The following SLC44A3 variants were observed in gnomAD, a reference collection of about 807,000 sequenced individuals.
The protein encoded by SLC44A3 is choline transporter-like protein 3.
SLC44A3 carries 74 observed loss-of-function variants against 75.4 expected under a neutral mutation model. The ratio of observed to expected loss-of-function variants is 0.98; its 90% CI spans 0.81 to 1.19. The LOEUF (loss-of-function observed/expected upper bound fraction) is 1.19, where lower values mean the gene tolerates loss of function less well. SLC44A3 is among the 50% of genes most tolerant of loss of function. The pLI is 0.00. For missense variants in SLC44A3, 700 were observed against 778.6 expected (o/e 0.90, Z 1.20); for synonymous variants, 310 against 296.9 (o/e 1.04, Z -0.45).
intron 5 of SLC44A3, among the ~76,000 whole-genome samples, chr1:94,829,776 TAAAAC>T (rs1661878274): frequency 1.3e-5 from 2 of 152,206 alleles, no homozygotes. Flanking sequence ...ATTATTTAAT[TAAAAC>T]AAAGCATTAT....
chr1:94,889,951 A>C (rs1670030348), intron 12 of SLC44A3, among the ~76,000 whole-genome samples: 1 of 152,230 alleles, frequency 6.6e-6, no homozygotes, highest in Admixed American at 6.5e-5. Context: ...CCCGGGTTCA[A>C]GCAATTCTCC....
intron 12 of SLC44A3, among the ~76,000 whole-genome samples, chr1:94,886,621 G>C (rs1462880574): frequency 6.6e-6 from 1 of 152,048 alleles, no homozygotes; most frequent in Non-Finnish European, 1.5e-5. Flanking sequence ...TCTCCCTCCA[G>C]CTTGTGGTTC....
At chr1:94,865,026 T>TG in intron 11 of SLC44A3, 127 bp downstream of exon 11, 1 of 909,758 alleles carries the variant, frequency 1.1e-6, no homozygotes, top group Non-Finnish European at 1.6e-6. Context: ...AGAAAGCTCC[T>TG]GCACTCCTCA....
rs72958566 is a variant in SLC44A3 at position 94,828,709 on chromosome 1, C to T, written c.509+123C>T. 7.7e-4 allele frequency: 611 copies of T among 790,866 alleles called. 4 individuals carry two copies. In the African/African-American group the frequency reaches 9.6e-3, roughly 12 times the overall value. 49.0% of individuals were successfully genotyped at this position (790,866 alleles called of 1,614,324 possible). The stretch of plus-strand genomic sequence containing the variant: ...CAGAAGAGCCCCTGCCTGCAGGGAG[C>T]TTACAGTCTACGGAGGCCAGCGATA... On this transcript the variant is annotated intron_variant, in intron 5 of 14. Coordinates refer to ENST00000271227, the MANE Select transcript of SLC44A3 (RefSeq NM_001114106.3).
At chr1:94,879,539 G>A (rs183595397) in intron 12 of SLC44A3, among the ~76,000 whole-genome samples, 2,601 of 118,774 alleles carry the variant, frequency 0.022, no homozygotes, top group Middle Eastern at 0.038. Flanking sequence ...CTCAAAAAAA[G>A]AAAAAAAAAA....
chr1:94,835,641 G>T (rs1047706822), intron 5 of SLC44A3, among the ~76,000 whole-genome samples: 1 of 152,180 alleles, frequency 6.6e-6, no homozygotes, highest in Non-Finnish European at 1.5e-5. Flanking sequence ...GTGGGTTTAA[G>T]AATAATCTAA....
intron 9 of SLC44A3, among the ~76,000 whole-genome samples, chr1:94,847,716 T>C (rs1464593567): frequency 2.0e-5 from 3 of 152,188 alleles, no homozygotes; most frequent in Non-Finnish European, 4.4e-5. Context: ...TGCTTTCTTA[T>C]GTTCTGTCCC....
At chr1:94,849,301 G>A (rs577019677) in intron 9 of SLC44A3, among the ~76,000 whole-genome samples, 51 of 152,254 alleles carry the variant, frequency 3.3e-4, no homozygotes, top group African/African-American at 1.2e-3. Context: ...CTATGAGCAG[G>A]TCGATTTTAG....
intron 11 of SLC44A3, among the ~76,000 whole-genome samples, chr1:94,866,012 A>G (rs777724413): frequency 7.9e-5 from 12 of 152,100 alleles, no homozygotes; most frequent in Admixed American, 3.3e-4. Flanking sequence ...ATTTTCTTGT[A>G]TTTCTATTAA....
chr1:94,862,316 T>C (rs1243994805), intron 10 of SLC44A3, among the ~76,000 whole-genome samples: 6 of 152,160 alleles, frequency 3.9e-5, no homozygotes, highest in African/African-American at 1.2e-4. Flanking sequence ...AAATTAATTC[T>C]CCATAATGTC....
In SLC44A3 at chr1:94,879,838, CAAAAAAAAAAA is replaced by C. The variant is rs763642670; in HGVS notation, c.1483-11287_1483-11277del. On this transcript the variant is annotated intron_variant, in intron 12 of 14. Transcript: ENST00000271227. ...TGGGCAACAGTGCAAGATTCTGTCT[CAAAAAAAAAAA>C]AAAAGAAAAAAAAAGGAAAAGGACT... 5.6e-4 allele frequency among the ~76,000 whole-genome samples: 34 copies of C among 60,878 alleles called. 1 individual carries two copies. Among genetic ancestry groups the C allele is most frequent in the African/African-American group, 1.8e-3 (34 of 19,010 alleles). The allele number at this position is 60,878 out of a possible 152,430, so 39.9% of individuals were successfully genotyped here. A position where few individuals can be genotyped will look rare whatever the true frequency, so the allele number is the denominator to read the frequency against.
intron 10 of SLC44A3, 67 bp from the exon 11 acceptor site, chr1:94,864,676 G>C: frequency 1.3e-6 from 2 of 1,532,270 alleles, no homozygotes; most frequent in Non-Finnish European, 1.8e-6. Flanking sequence ...CAGATGATTG[G>C]AACCAGAGAG....
rs550940442 is a variant in SLC44A3, at chr1:94,838,062, G to A, written c.670+191G>A. ...GAATAGAGGAGCGGCTGGCCCTCTG[G>A]CAGAAAGCCTCAGTGGGTAGGGTTG... On this transcript the variant is annotated intron_variant, in intron 6 of 14. Coordinates refer to ENST00000271227, the MANE Select transcript of SLC44A3 (RefSeq NM_001114106.3). 5.3e-5 allele frequency among the ~76,000 whole-genome samples: 8 copies of A among 152,358 alleles called. No individual in the cohort carries two copies. The South Asian group carries it at 1.0e-3, about 20-fold the overall frequency.
At chr1:94,824,455 C>G in intron 2 of SLC44A3, 38 bp from the exon 3 acceptor site, 1 of 1,558,474 alleles carries the variant, frequency 6.4e-7, no homozygotes, top group Non-Finnish European at 8.6e-7. Context: ...TGCGCTCAGC[C>G]CTTTGGCCAG....
At chr1:94,854,796 G>C (rs993297687) in intron 9 of SLC44A3, among the ~76,000 whole-genome samples, 17 of 151,336 alleles carry the variant, frequency 1.1e-4, no homozygotes, top group African/African-American at 3.2e-4. Context: ...GGTTGTCGTG[G>C]CTGTGGGAGG....
intron 10 of SLC44A3, among the ~76,000 whole-genome samples, chr1:94,862,991 T>TA (rs994427518): frequency 6.6e-6 from 1 of 152,062 alleles, no homozygotes; most frequent in African/African-American, 2.4e-5. Context: ...GGAGAGGTGG[T>TA]AGGATGACGT....
intron 9 of SLC44A3, among the ~76,000 whole-genome samples, chr1:94,854,447 C>T (rs1665598118): frequency 6.6e-6 from 1 of 152,172 alleles, no homozygotes; most frequent in South Asian, 2.1e-4. Context: ...TGGGATCTAC[C>T]CATAGTCTAC....
intron 5 of SLC44A3, among the ~76,000 whole-genome samples, chr1:94,830,620 C>G (rs963889288): frequency 1.6e-4 from 25 of 151,576 alleles, no homozygotes; most frequent in Non-Finnish European, 2.8e-4. Flanking sequence ...CATACTGAAC[C>G]CAATTTAAAA....
chr1:94,888,071 G>A (rs575538240), intron 12 of SLC44A3, among the ~76,000 whole-genome samples: 17 of 152,154 alleles, frequency 1.1e-4, no homozygotes, highest in African/African-American at 2.7e-4. Flanking sequence ...ATCCCTTTGC[G>A]GTAGGTGCTG....
Sources: gnomAD v4.1 joint callset for allele counts (sites outside exome capture counted in the v4.1 genomes callset) on GRCh38, gnomAD v4.1.1 for gene constraint, MANE v1.5 for transcripts, NCBI Gene and HGNC (gene_info 2026-07-23, HGNC 2026-07-21) for gene names.